Variants in XRCC5 observed in about 807,000 individuals in gnomAD.
The protein encoded by XRCC5 is X-ray repair cross complementing 5, also known as DNA repair protein Ku80.
A neutral mutation model predicts 95.7 loss-of-function variants in XRCC5; 12 were observed. That is an observed-to-expected ratio of 0.13 (90% CI 0.08 to 0.20). XRCC5 has a LOEUF of 0.20. XRCC5 is among the 10% of genes least tolerant of loss of function. XRCC5 has a pLI of 1.00. For missense variants in XRCC5, 595 were observed against 873.9 expected (o/e 0.68, Z 4.02); for synonymous variants, 281 against 290.3 (o/e 0.97, Z 0.33).
At position 216,109,356 on chromosome 2, in the gene XRCC5, C is replaced by T. The variant is rs1221855754; in HGVS notation, c.-81C>T. 1.5e-5 allele frequency: 24 copies of T among 1,606,602 alleles called. No homozygotes were observed. Among genetic ancestry groups the T allele is most frequent in the East Asian group, 2.2e-5 (1 of 44,494 alleles). ...ACGAAGCGGCTCTTTCCGCTATCTGCCGCTTGTCCACCGGAAGCGAGTTGC... is the reference window on the plus strand; with the variant it reads ...ACGAAGCGGCTCTTTCCGCTATCTGTCGCTTGTCCACCGGAAGCGAGTTGC... On this transcript the variant is annotated 5_prime_UTR_variant, in exon 1 of 21. Coordinates refer to ENST00000392132, the MANE Select transcript of XRCC5 (RefSeq NM_021141.4).
chr2:216,136,984 A>G (rs978789401), intron 10 of XRCC5, 104 bp from the exon 11 acceptor site: 7 of 1,394,382 alleles, frequency 5.0e-6, no homozygotes, highest in Non-Finnish European at 6.6e-6. Flanking sequence ...CACCCTAAAA[A>G]ATGTAAAATA....
chr2:216,163,095 A>G (rs553966466), intron 16 of XRCC5, among the ~76,000 whole-genome samples: 5 of 151,832 alleles, frequency 3.3e-5, no homozygotes, highest in Non-Finnish European at 5.9e-5. Context: ...TCATGTGTGT[A>G]TAGAACTTTC....
intron 16 of XRCC5, among the ~76,000 whole-genome samples, chr2:216,186,502 T>C (rs940069342): frequency 2.6e-5 from 4 of 152,232 alleles, no homozygotes; most frequent in African/African-American, 9.6e-5. Flanking sequence ...TGTACTCATT[T>C]AAGATACTGG....
chr2:216,179,845 C>T (rs180896784), intron 16 of XRCC5, among the ~76,000 whole-genome samples: 26 of 152,276 alleles, frequency 1.7e-4, no homozygotes, highest in African/African-American at 6.0e-4. Flanking sequence ...TTTTATATTT[C>T]ATACCATGTT....
chr2:216,122,649 TAGTC>T (rs939700832), intron 6 of XRCC5, among the ~76,000 whole-genome samples: 12 of 151,886 alleles, frequency 7.9e-5, no homozygotes, highest in Non-Finnish European at 1.6e-4. Context: ...AGATCTGAGA[TAGTC>T]AGTATCTTCT....
In XRCC5 at chr2:216,192,635, A is replaced by G. The variant is rs1689636606; in HGVS notation, c.1945-4A>G. 6.4e-7 allele frequency: 1 copy of G among 1,573,384 alleles called. No individual in the cohort carries two copies. Among genetic ancestry groups the G allele is most frequent in the Non-Finnish European group, 8.6e-7 (1 of 1,160,856 alleles). ...GCCTCCTCTACCCCAACTTGCTACC[A>G]CAGTTTTCAGAAGAGCAGCGCTTTA... On this transcript the variant is annotated splice_polypyrimidine_tract_variant and splice_region_variant and intron_variant, in intron 17 of 20. Coordinates refer to ENST00000392132, the MANE Select transcript of XRCC5 (RefSeq NM_021141.4).
intron 19 of XRCC5, among the ~76,000 whole-genome samples, chr2:216,201,691 A>G (rs989132226): frequency 2.0e-5 from 3 of 152,218 alleles, no homozygotes; most frequent in African/African-American, 7.2e-5. Flanking sequence ...CACATGAGAA[A>G]AGATGAGAAT....
chr2:216,172,331 CAGAA>C (rs1160572450), intron 16 of XRCC5, among the ~76,000 whole-genome samples: 1 of 151,924 alleles, frequency 6.6e-6, no homozygotes, highest in Admixed American at 6.6e-5. Flanking sequence ...CAAAGGGCCT[CAGAA>C]GGAAAAGTTT....
At chr2:216,153,485 T>G (rs917152598) in intron 14 of XRCC5, among the ~76,000 whole-genome samples, 1 of 152,226 alleles carries the variant, frequency 6.6e-6, no homozygotes, top group Non-Finnish European at 1.5e-5. Flanking sequence ...CAAAGATTGA[T>G]ATCAAGGAAT....
At chr2:216,197,359 C>T (rs560964144) in intron 19 of XRCC5, among the ~76,000 whole-genome samples, 6 of 150,500 alleles carry the variant, frequency 4.0e-5, no homozygotes, top group African/African-American at 1.5e-4. Flanking sequence ...ACAGGAGAAC[C>T]GCTTGAACCC....
intron 7 of XRCC5, among the ~76,000 whole-genome samples, chr2:216,127,100 C>T (rs920192704): frequency 6.6e-6 from 1 of 152,048 alleles, no homozygotes; most frequent in Non-Finnish European, 1.5e-5. Context: ...AATAGCCAGG[C>T]ATGGTGATGT....
chr2:216,129,493 T>A (rs891826019), intron 8 of XRCC5, among the ~76,000 whole-genome samples: 5 of 152,236 alleles, frequency 3.3e-5, no homozygotes, highest in Non-Finnish European at 7.3e-5. Flanking sequence ...TTAGTTAGAA[T>A]GTTCATTACA....
chr2:216,116,584 T>A, intron 2 of XRCC5, 75 bp from the exon 3 acceptor site: 3 of 1,569,320 alleles, frequency 1.9e-6, no homozygotes, highest in East Asian at 2.3e-5. Flanking sequence ...GTTGTCCTGC[T>A]CCCTGAAGGT....
chr2:216,201,935 A>T (rs922743486), intron 19 of XRCC5, among the ~76,000 whole-genome samples: 1 of 152,234 alleles, frequency 6.6e-6, no homozygotes, highest in East Asian at 1.9e-4. Context: ...TAATTTGCTT[A>T]CACAGAAATG....
At chr2:216,148,529 T>C (rs1688680695) in intron 14 of XRCC5, among the ~76,000 whole-genome samples, 2 of 152,238 alleles carry the variant, frequency 1.3e-5, no homozygotes, top group Admixed American at 6.5e-5. Context: ...AGCATCAGAT[T>C]CTTGGTGAAT....
intron 18 of XRCC5, 152 bp downstream of exon 18, chr2:216,192,887 G>A (rs770883213): frequency 1.3e-5 from 7 of 534,226 alleles, no homozygotes; most frequent in Non-Finnish European, 2.2e-5. Flanking sequence ...TTTGGGAAAT[G>A]CTCAGTGTTC....
chr2:216,200,796 T>TA (rs1302759828), intron 19 of XRCC5, among the ~76,000 whole-genome samples: 34 of 152,340 alleles, frequency 2.2e-4, no homozygotes, highest in African/African-American at 7.9e-4. Flanking sequence ...ATCAATTATG[T>TA]GATTATAGCT....
intron 14 of XRCC5, among the ~76,000 whole-genome samples, chr2:216,154,754 G>A (rs925449807): frequency 2.6e-5 from 4 of 152,052 alleles, no homozygotes; most frequent in African/African-American, 7.2e-5. Context: ...TATAATTTCT[G>A]GTAGTTCACA....
In XRCC5 at chr2:216,192,642, T is replaced by G. The variant is rs1235918170; in HGVS notation, c.1948T>G (p.Ser650Ala). 2 of 1,582,952 alleles carry G rather than the reference T, an allele frequency of 1.3e-6. No homozygotes were observed. The highest frequency in any genetic ancestry group is 2.7e-5 in the African/African-American group (2 of 73,610). ...CTACCCCAACTTGCTACCACAGTTT[T>G]CAGAAGAGCAGCGCTTTAACAACTT... ...RAFREEAIKF[S>A]EEQRFNNFLK... is the part of the protein sequence containing the mutation. Residue 650 changes from serine to alanine, a missense_variant, in exon 18 of 21, where the codon TCA (serine) becomes GCA (alanine). Physicochemically the swap from Ser to Ala is moderately conservative, Grantham distance 99. This residue lies in a region of XRCC5 where 309 missense variants were observed against 382.9 expected (regional missense o/e 0.81). Transcript: ENST00000392132.
Sources: allele counts gnomAD v4.1 joint callset (sites outside exome capture counted in the v4.1 genomes callset), GRCh38; gene constraint gnomAD v4.1.1; regional missense constraint gnomAD v4.1.1; transcripts MANE v1.5; gene names NCBI Gene and HGNC (gene_info 2026-07-23, HGNC 2026-07-21).